MORC3: variants seen among roughly 807,000 people sequenced by gnomAD.
MORC3 encodes the protein MORC family CW-type zinc finger 3, also known as MORC family CW-type zinc finger protein 3.
A neutral mutation model predicts 109.1 loss-of-function variants in MORC3; 31 were observed. The ratio of observed to expected loss-of-function variants is 0.28; its 90% CI spans 0.21 to 0.38. The LOEUF (loss-of-function observed/expected upper bound fraction) is 0.38. Ranked by LOEUF, MORC3 falls within the 10% of genes least tolerant of loss-of-function variation. The pLI is 1.00. For missense variants in MORC3, 867 were observed against 1,135.8 expected (o/e 0.76, Z 3.40); for synonymous variants, 395 against 380.7 (o/e 1.04, Z -0.44).
In MORC3 at chr21:36,364,196, C is replaced by A. The variant is rs751197224; in HGVS notation, c.1556C>A (p.Ser519Tyr). The A allele has an allele frequency of 6.2e-7, 1 of 1,614,144 alleles. No individual in the cohort carries two copies. The highest frequency in any genetic ancestry group is 1.1e-5 in the South Asian group (1 of 91,078). ...PRRHLSEGTN[S>Y]YATRLLNNHQ... ...AGACATCTTTCAGAAGGAACAAATT[C>A]TTATGCGACAAGACTTCTAAATAAT... The change falls in exon 14 of 17, where the codon TCT (serine) becomes TAT (tyrosine). Residue 519 changes from serine (S) to tyrosine (Y), a missense_variant. Physicochemically the swap from Ser to Tyr is moderately radical, Grantham distance 144. Transcript: ENST00000400485.
At chr21:36,368,161 A>G (rs2085802754) in intron 14 of MORC3, among the ~76,000 whole-genome samples, 1 of 152,246 alleles carries the variant, frequency 6.6e-6, no homozygotes, top group African/African-American at 2.4e-5. Flanking sequence ...CTATGCACAT[A>G]TTAACATGAA....
At chr21:36,362,007 TA>T in intron 12 of MORC3, 175 bp from the exon 13 acceptor site, 1 of 716,178 alleles carries the variant, frequency 1.4e-6, no homozygotes, top group South Asian at 1.7e-5. Context: ...AAATTCAGGC[TA>T]AAATTAGGGT....
chr21:36,336,210 C>T (rs1054342878), intron 2 of MORC3, among the ~76,000 whole-genome samples: 7 of 150,326 alleles, frequency 4.7e-5, no homozygotes, highest in Admixed American at 2.7e-4. Flanking sequence ...GGATTACAGG[C>T]GTAAGTCACC....
In MORC3 at chr21:36,338,827, C is replaced by T. The variant is rs745490117; in HGVS notation, c.514C>T (p.His172Tyr). Reference sequence around the variant, plus strand: ...AGCCAGCCTTGCTGCAATTCTGGAACATTCTCTGTTTTCCACGGAACAGAA... The same window carrying T: ...AGCCAGCCTTGCTGCAATTCTGGAATATTCTCTGTTTTCCACGGAACAGAA... The part of the protein sequence containing the change: ...SKASLAAILE[H>Y]SLFSTEQKLL... Residue 172 changes from histidine (H) to tyrosine (Y), a missense_variant, in exon 5 of 17, where the codon CAT becomes TAT. His to Tyr is a moderately conservative substitution (Grantham distance 83, BLOSUM62 2). Transcript: ENST00000400485. 1 of 1,613,884 alleles carries T rather than the reference C, an allele frequency of 6.2e-7. No individual in the cohort carries two copies. Among genetic ancestry groups the T allele is most frequent in the Non-Finnish European group, 8.5e-7 (1 of 1,179,848 alleles).
At chr21:36,374,186 T>G (rs1437922813) in intron 16 of MORC3, among the ~76,000 whole-genome samples, 1 of 151,918 alleles carries the variant, frequency 6.6e-6, no homozygotes, top group Non-Finnish European at 1.5e-5. Flanking sequence ...GCCTCCCAGG[T>G]TCAAGCAATT....
rs1308345806 is a variant in MORC3, at chr21:36,375,565, T to A, written c.*269T>A. On this transcript the variant is annotated 3_prime_UTR_variant, in exon 17 of 17. Coordinates refer to ENST00000400485, the MANE Select transcript of MORC3 (RefSeq NM_015358.3). ...TATTTGTAATTAAGCCTGCACATATTTTTTTATTGCCCTAGAGTACTCAAG... is the reference window on the plus strand; with the variant it reads ...TATTTGTAATTAAGCCTGCACATATATTTTTATTGCCCTAGAGTACTCAAG... 3.6e-6 allele frequency: 1 copy of A among 274,210 alleles called. No individual in the cohort carries two copies. Among genetic ancestry groups the A allele is most frequent in the Non-Finnish European group, 6.9e-6 (1 of 144,074 alleles). 17.0% of individuals were successfully genotyped at this position (274,210 alleles called of 1,614,324 possible).
intron 16 of MORC3, among the ~76,000 whole-genome samples, chr21:36,372,926 A>T (rs1395837966): frequency 6.6e-6 from 1 of 152,218 alleles, no homozygotes; most frequent in Non-Finnish European, 1.5e-5. Context: ...CGTACTTGGT[A>T]CCATGTCTTT....
At chr21:36,344,456 C>A in intron 6 of MORC3, 123 bp from the exon 7 acceptor site, 1 of 1,133,656 alleles carries the variant, frequency 8.8e-7, no homozygotes, top group Non-Finnish European at 1.2e-6. Context: ...GCTTTATAGC[C>A]TATTTTATTG....
intron 14 of MORC3, among the ~76,000 whole-genome samples, chr21:36,365,948 C>G (rs1326643072): frequency 6.6e-6 from 1 of 152,124 alleles, no homozygotes; most frequent in Non-Finnish European, 1.5e-5. Context: ...TTATTAAGAA[C>G]TCATATTTTA....
chr21:36,335,310 A>ATT (rs144473276), intron 2 of MORC3, among the ~76,000 whole-genome samples: 10 of 116,690 alleles, frequency 8.6e-5, no homozygotes, highest in Admixed American at 1.9e-4. Flanking sequence ...AAAAGAAGGA[A>ATT]TTTTTTTTTT....
chr21:36,355,616 A>AT (rs1223179786), intron 9 of MORC3, among the ~76,000 whole-genome samples: 1 of 151,962 alleles, frequency 6.6e-6, no homozygotes, highest in East Asian at 1.9e-4. Context: ...TCTTTGTGGC[A>AT]TTTTTTCCCA....
At chr21:36,373,636 A>G (rs893452799) in intron 16 of MORC3, among the ~76,000 whole-genome samples, 9 of 151,916 alleles carry the variant, frequency 5.9e-5, no homozygotes, top group Non-Finnish European at 8.8e-5. Flanking sequence ...AAAAAAAAAA[A>G]GCTGGTATGG....
chr21:36,345,962 C>T (rs1008301382), intron 8 of MORC3, among the ~76,000 whole-genome samples: 2 of 152,142 alleles, frequency 1.3e-5, no homozygotes, highest in Non-Finnish European at 2.9e-5. Context: ...GCACCTTAGC[C>T]TCCTGAGTAG....
chr21:36,367,368 C>T lies in MORC3; in HGVS notation c.1620-1620C>T, dbSNP rs528166095. Among the ~76,000 whole-genome samples, 4 of 152,290 alleles carry T rather than the reference C, an allele frequency of 2.6e-5. No homozygotes were observed. In the East Asian group the frequency reaches 7.7e-4, roughly 29 times the overall value. On this transcript the variant is annotated intron_variant, in intron 14 of 16. Coordinates refer to ENST00000400485, the MANE Select transcript of MORC3 (RefSeq NM_015358.3). ...CTAGTCAGTTTCACTCTTAGGTATA[C>T]GCAGATCGCCCTGGATAGCCACATG... is the stretch of plus-strand genomic sequence containing the variant.
intron 3 of MORC3, among the ~76,000 whole-genome samples, chr21:36,337,374 C>T (rs965633202): frequency 9.9e-5 from 15 of 152,116 alleles, no homozygotes; most frequent in African/African-American, 3.1e-4. Context: ...CTCACAGTCC[C>T]GGAAGCATGG....
At chr21:36,364,667 G>A (rs1298579315) in intron 14 of MORC3, among the ~76,000 whole-genome samples, 2 of 151,732 alleles carry the variant, frequency 1.3e-5, no homozygotes, top group Non-Finnish European at 2.9e-5. Context: ...AGCATTAATT[G>A]TATTCATTGT....
Position 36,358,793 on chromosome 21 carries a change from C to T in MORC3, c.1209-1162C>T, listed in dbSNP as rs189741936. Among the ~76,000 whole-genome samples the T allele has an allele frequency of 6.9e-3, 1,045 of 152,004 alleles. 15 individuals carry two copies. Among genetic ancestry groups the T allele is most frequent in the Non-Finnish European group, 7.2e-3 (490 of 67,972 alleles). ...CTCCTGGGTTCATACAATTCTCCTG[C>T]CTCAGCCTCCTGAATAGCTGGGACT... On this transcript the variant is annotated intron_variant, in intron 10 of 16. Transcript: ENST00000400485.
At position 36,375,219 on chromosome 21, in the gene MORC3, G is replaced by T. The variant is rs928457988; in HGVS notation, c.2743G>T (p.Val915Leu). Residue 915 changes from valine to leucine, a missense_variant, in exon 17 of 17, where the codon GTG (valine) becomes TTG (leucine). Physicochemically the swap from Val to Leu is conservative, Grantham distance 32 (BLOSUM62 1). Coordinates refer to ENST00000400485, the MANE Select transcript of MORC3 (RefSeq NM_015358.3). ...TGTGCCTGATCTTGATCTTCAGCAA[G>T]TGAATTACGATGTTGATGTAGTTGA... is the stretch of plus-strand genomic sequence containing the variant. ...MIVPDLDLQQVNYDVDVVDEI... is the reference protein window; with the variant it reads ...MIVPDLDLQQLNYDVDVVDEI... The T allele has an allele frequency of 1.4e-5, 23 of 1,613,842 alleles. No individual in the cohort carries two copies. Among genetic ancestry groups the T allele is most frequent in the Non-Finnish European group, 1.9e-5 (23 of 1,179,854 alleles).
chr21:36,340,015 A>G (rs1195161020), intron 5 of MORC3, among the ~76,000 whole-genome samples: 1 of 152,212 alleles, frequency 6.6e-6, no homozygotes, highest in Non-Finnish European at 1.5e-5. Context: ...ACACTGGCTC[A>G]CACCTGTAAT....
Sources: gnomAD v4.1 joint callset for allele counts (sites outside exome capture counted in the v4.1 genomes callset) on GRCh38, gnomAD v4.1.1 for gene constraint, MANE v1.5 for transcripts, NCBI Gene and HGNC (gene_info 2026-07-23, HGNC 2026-07-21) for gene names.